CDK5RAP1: variants seen among roughly 807,000 people sequenced by gnomAD.
CDK5RAP1 encodes CDK5RAP1 mitochondrial tRNA methylthiotransferase.
CDK5RAP1 carries 62 observed loss-of-function variants against 64.5 expected under a neutral mutation model. That is an observed-to-expected ratio of 0.96 (90% CI 0.78 to 1.19). The LOEUF is 1.19. Among genes scored for constraint, CDK5RAP1 ranks in the 50% most tolerant of loss-of-function variants. CDK5RAP1 has a pLI of 0.00. For missense variants in CDK5RAP1, 657 were observed against 735.0 expected, an observed-to-expected ratio of 0.89 and a Z score of 1.23; for synonymous variants, 250 against 261.9, an observed-to-expected ratio of 0.95 and a Z score of 0.44.
At chr20:33,368,295 AT>A (rs1192936736) in intron 11 of CDK5RAP1, among the ~76,000 whole-genome samples, 3 of 150,766 alleles carry the variant, frequency 2.0e-5, no homozygotes, top group Admixed American at 6.6e-5. Context: ...CATCCCTAGG[AT>A]TTTTTTTTCT....
At chr20:33,364,758 G>A (rs1460023278) in intron 12 of CDK5RAP1, among the ~76,000 whole-genome samples, 1 of 151,932 alleles carries the variant, frequency 6.6e-6, no homozygotes, top group East Asian at 1.9e-4. Context: ...ATTTTTAGTA[G>A]AGACGGGGTT....
intron 11 of CDK5RAP1, among the ~76,000 whole-genome samples, chr20:33,367,315 G>T (rs909599658): frequency 3.3e-5 from 5 of 152,132 alleles, no homozygotes; most frequent in Non-Finnish European, 7.3e-5. Flanking sequence ...CATATACTAG[G>T]TTACTCAGCA....
intron 5 of CDK5RAP1, among the ~76,000 whole-genome samples, chr20:33,389,425 C>G (rs562795706): frequency 6.6e-6 from 1 of 152,060 alleles, no homozygotes; most frequent in South Asian, 2.1e-4. Context: ...CCCCTCCGCC[C>G]GGCAGCTGCC....
intron 5 of CDK5RAP1, among the ~76,000 whole-genome samples, chr20:33,388,489 A>C (rs985141904): frequency 3.8e-4 from 57 of 149,952 alleles, no homozygotes; most frequent in Non-Finnish European, 6.3e-4. Context: ...AAGCCAGTTA[A>C]ATAAATAATT....
At chr20:33,398,723 C>T (rs1409210454) in intron 1 of CDK5RAP1, among the ~76,000 whole-genome samples, 1 of 151,800 alleles carries the variant, frequency 6.6e-6, no homozygotes, top group East Asian at 1.9e-4. Flanking sequence ...GCCAGGAATT[C>T]GAGACCAGCC....
intron 3 of CDK5RAP1, 76 bp from the exon 4 acceptor site, chr20:33,394,142 A>T: frequency 1.0e-6 from 1 of 970,578 alleles, no homozygotes; most frequent in Admixed American, 2.1e-5. Flanking sequence ...CCTGCCCTAC[A>T]GCTCTTTATT....
chr20:33,375,568 G>A lies in CDK5RAP1; in HGVS notation c.1108-1356C>T, dbSNP rs533466971. 2.6e-4 allele frequency among the ~76,000 whole-genome samples: 39 copies of A among 152,156 alleles called. No homozygotes were observed. The East Asian group carries it at 7.2e-3, about 28-fold the overall frequency. On this transcript the variant is annotated intron_variant, in intron 8 of 13. Transcript: ENST00000346416. ...GAAGACAATCCAGAGGAAAAAAGATGAAAGTCGGGGCCAAAAGAAAGACTT... is the reference window on the plus strand; with the variant it reads ...GAAGACAATCCAGAGGAAAAAAGATAAAAGTCGGGGCCAAAAGAAAGACTT...
Position 33,385,669 on chromosome 20 carries a change from A to G in CDK5RAP1, c.857T>C (p.Val286Ala). ...SRPIASILEE[V>A]KKLSEQGLKE... is the part of the protein sequence containing the mutation. ...CTTCACCTGCTCAGAAAGCTTCTTC[A>G]CTTCCTCTAGAATGGAGGCAATAGG... The change falls in exon 7 of 14, where the codon GTG becomes GCG. Residue 286 changes from valine to alanine, a missense_variant. Coordinates refer to ENST00000346416, the MANE Select transcript of CDK5RAP1 (RefSeq NM_016408.4). The G allele has an allele frequency of 6.2e-7, 1 of 1,614,170 alleles. No homozygotes were observed. The highest frequency in any genetic ancestry group is 8.5e-7 in the Non-Finnish European group (1 of 1,180,002).
chr20:33,392,031 T>G, intron 5 of CDK5RAP1, 111 bp downstream of exon 5: 1 of 701,600 alleles, frequency 1.4e-6, no homozygotes, highest in East Asian at 2.5e-5. Context: ...GCATGGGATA[T>G]ATAAGATTTC....
chr20:33,379,555 A>C lies in CDK5RAP1; in HGVS notation c.1013T>G (p.Leu338Arg). 1 of 1,614,154 alleles carries C rather than the reference A, an allele frequency of 6.2e-7. No homozygotes were observed. The highest frequency in any genetic ancestry group is 8.5e-7 in the Non-Finnish European group (1 of 1,180,004). ...TTNYKTKQGG[L>R]RFAHLLDQVS... ...CTGATCCAGAAGATGAGCAAAACGA[A>C]GTCCTCCTTGCTTGGTTTTATAGTT... is the stretch of plus-strand genomic sequence containing the variant. Residue 338 changes from leucine (L) to arginine (R), a missense_variant, in exon 8 of 14, where the codon CTT becomes CGT. Transcript: ENST00000346416.
intron 9 of CDK5RAP1, chr20:33,373,026 C>G (rs984877982): frequency 1.8e-5 from 4 of 220,836 alleles, no homozygotes; most frequent in Non-Finnish European, 3.6e-5. Context: ...ATCCTTCCAC[C>G]TCAGCCTCTT....
rs1384979575 is a variant in CDK5RAP1, at chr20:33,401,518, A to G, written c.-111T>C. 2.0e-6 allele frequency: 2 copies of G among 985,150 alleles called. No individual in the cohort carries two copies. Among genetic ancestry groups the G allele is most frequent in the Non-Finnish European group, 2.4e-6 (2 of 829,932 alleles). 61.0% of individuals were successfully genotyped at this position (985,150 alleles called of 1,614,324 possible). A position where few individuals can be genotyped will look rare whatever the true frequency, so the allele number is the denominator to read the frequency against. On this transcript the variant is annotated 5_prime_UTR_variant, in exon 1 of 14. Coordinates refer to ENST00000346416, the MANE Select transcript of CDK5RAP1 (RefSeq NM_016408.4). ...CACAGGTCCGCCGCTGCGTTCATAC[A>G]CAAGCGACTTCCGTTCCGCCGCTAC...
chr20:33,393,442 G>A (rs780011849), intron 4 of CDK5RAP1, among the ~76,000 whole-genome samples: 2 of 151,948 alleles, frequency 1.3e-5, no homozygotes, highest in Non-Finnish European at 2.9e-5. Context: ...TTAAAGCCAG[G>A]CCATGGAAGA....
intron 8 of CDK5RAP1, 70 bp from the exon 9 acceptor site, chr20:33,374,282 CT>C (rs1985607862): frequency 1.0e-6 from 1 of 959,040 alleles, no homozygotes; most frequent in Non-Finnish European, 1.7e-6. Flanking sequence ...CAATACCGCT[CT>C]TACTATGTAT....
chr20:33,393,809 A>C (rs1988601257), intron 4 of CDK5RAP1, among the ~76,000 whole-genome samples: 1 of 152,164 alleles, frequency 6.6e-6, no homozygotes, highest in East Asian at 1.9e-4. Flanking sequence ...GTGATCATTA[A>C]ATTTGTTAAT....
chr20:33,394,131 T>A, intron 3 of CDK5RAP1, 65 bp from the exon 4 acceptor site: 7 of 1,078,360 alleles, frequency 6.5e-6, no homozygotes, highest in South Asian at 1.3e-5. Context: ...CTTGTACAAT[T>A]CCTGCCCTAC....
At chr20:33,367,865 A>G (rs1984280394) in intron 11 of CDK5RAP1, among the ~76,000 whole-genome samples, 1 of 152,252 alleles carries the variant, frequency 6.6e-6, no homozygotes, top group African/African-American at 2.4e-5. Flanking sequence ...AGGAATATCT[A>G]TATACCAAAG....
intron 5 of CDK5RAP1, among the ~76,000 whole-genome samples, chr20:33,390,647 A>C (rs1988207229): frequency 6.6e-6 from 1 of 152,106 alleles, no homozygotes. Flanking sequence ...CAGTTTTTTA[A>C]ATTATTCTTG....
At chr20:33,391,344 G>A (rs138316931) in intron 5 of CDK5RAP1, among the ~76,000 whole-genome samples, 2 of 151,680 alleles carry the variant, frequency 1.3e-5, no homozygotes, top group East Asian at 3.9e-4. Flanking sequence ...ATGTGGTCAT[G>A]TGTGGCTACT....
Sources: gnomAD v4.1 joint callset for allele counts (sites outside exome capture counted in the v4.1 genomes callset) on GRCh38, gnomAD v4.1.1 for gene constraint, MANE v1.5 for transcripts, NCBI Gene and HGNC (gene_info 2026-07-23, HGNC 2026-07-21) for gene names.